Variants in RAD54L2 observed in about 807,000 individuals in gnomAD.
RAD54L2 encodes the protein RAD54 like 2.
Under a neutral mutation model 138.4 loss-of-function variants are expected in RAD54L2, and 27 were observed. The ratio of observed to expected loss-of-function variants is 0.20; its 90% CI spans 0.14 to 0.27. The LOEUF is 0.27. Ranked by LOEUF, RAD54L2 falls within the 10% of genes least tolerant of loss-of-function variation. The probability of loss-of-function intolerance (pLI) is 1.00; values close to 1 mark genes in which losing one functional copy is unlikely to be tolerated. For synonymous variants in RAD54L2, 644 were observed against 723.2 expected, an observed-to-expected ratio of 0.89 and a Z score of 1.76; for missense variants, 1,396 against 1,890.2, an observed-to-expected ratio of 0.74 and a Z score of 4.85.
chr3:51,618,020 G>A (rs1157440018), intron 3 of RAD54L2, among the ~76,000 whole-genome samples: 1 of 151,748 alleles, frequency 6.6e-6, no homozygotes, highest in Non-Finnish European at 1.5e-5. Flanking sequence ...GTGCAGTGGT[G>A]CTATCTCGCC....
Position 51,660,129 on chromosome 3 carries a change from T to C in RAD54L2, c.3409+11T>C. 6.3e-7 allele frequency: 1 copy of C among 1,585,290 alleles called. No individual in the cohort carries two copies. ...GGATGGCTGCCTCAGGTGTGATGGC[T>C]TTTACTTTCCATTTTACTTTTCAAA... is the stretch of plus-strand genomic sequence containing the variant. On this transcript the variant is annotated intron_variant, in intron 22 of 22. Transcript: ENST00000684192.
chr3:51,590,103 G>T (rs1699808138), intron 2 of RAD54L2, among the ~76,000 whole-genome samples: 1 of 152,122 alleles, frequency 6.6e-6, no homozygotes, highest in South Asian at 2.1e-4. Context: ...CAATTCTCAT[G>T]CCTCAGCCAC....
chr3:51,556,191 CCTT>C (rs1281206864), intron 2 of RAD54L2, among the ~76,000 whole-genome samples: 4 of 152,224 alleles, frequency 2.6e-5, no homozygotes, highest in East Asian at 3.9e-4. Flanking sequence ...GGTAGCCTAG[CCTT>C]CTTCTTTCTG....
At chr3:51,629,126 A>C (rs1052274645) in intron 4 of RAD54L2, among the ~76,000 whole-genome samples, 1 of 152,130 alleles carries the variant, frequency 6.6e-6, no homozygotes, top group Non-Finnish European at 1.5e-5. Flanking sequence ...GAGTTAAATA[A>C]TATAGAAAGT....
intron 3 of RAD54L2, among the ~76,000 whole-genome samples, chr3:51,599,702 T>C (rs1194983519): frequency 6.8e-6 from 1 of 146,378 alleles, no homozygotes; most frequent in Non-Finnish European, 1.5e-5. Context: ...GCTGAGATTG[T>C]AGGTGTACCC....
At chr3:51,550,722 A>G (rs1698813657) in intron 2 of RAD54L2, among the ~76,000 whole-genome samples, 1 of 152,112 alleles carries the variant, frequency 6.6e-6, no homozygotes, top group Non-Finnish European at 1.5e-5. Flanking sequence ...GCCCAGGGCA[A>G]CACAGTAAGA....
chr3:51,655,952 C>T lies in RAD54L2; in HGVS notation c.3027-19C>T. 6.3e-7 allele frequency: 1 copy of T among 1,586,074 alleles called. No individual in the cohort carries two copies. On this transcript the variant is annotated intron_variant, in intron 19 of 22. Transcript: ENST00000684192. Reference sequence around the variant, plus strand: ...TTGTTCTGCCAAACTCTTTTAGTGTCCTTGTCTTTCTCTTACAGGCAGCCA... The same window carrying T: ...TTGTTCTGCCAAACTCTTTTAGTGTTCTTGTCTTTCTCTTACAGGCAGCCA...
intron 2 of RAD54L2, among the ~76,000 whole-genome samples, chr3:51,588,051 TGGCA>T (rs1699746055): frequency 6.6e-6 from 1 of 151,280 alleles, no homozygotes; most frequent in South Asian, 2.1e-4. Context: ...CCGGGCGTGG[TGGCA>T]GGCGCCTGTA....
intron 3 of RAD54L2, among the ~76,000 whole-genome samples, chr3:51,607,968 G>T (rs1700237713): frequency 6.7e-6 from 1 of 150,304 alleles, no homozygotes; most frequent in Non-Finnish European, 1.5e-5. Flanking sequence ...GGCCGGGTGG[G>T]GGCTGCCCCC....
In RAD54L2 at chr3:51,619,736, A is replaced by AAGC. The variant is rs1577430470; in HGVS notation, c.140-7817_140-7816insAGC. Among the ~76,000 whole-genome samples the AAGC allele has an allele frequency of 3.6e-4, 55 of 152,284 alleles. No individual in the cohort carries two copies. In the East Asian group the frequency reaches 0.01, roughly 29 times the overall value. On this transcript the variant is annotated intron_variant, in intron 3 of 22. Transcript: ENST00000684192. The stretch of plus-strand genomic sequence containing the variant: ...CCCTGAAACTTAGTGGCTTTAAACA[A>AAGC]TATTATTTCTCTTGGCTTCTGAAGG...
rs5848928 is a variant in RAD54L2 at position 51,609,698 on chromosome 3, TTGTGTGTGTGTGTGTGTGTGTG to T, written c.140-17834_140-17813del. ...TCAACTACTGAATCCTTGTGGGCAT[TTGTGTGTGTGTGTGTGTGTGTG>T]TGTGTGTGTGTGTGTGTGTGGTTTG... is the stretch of plus-strand genomic sequence containing the variant. On this transcript the variant is annotated intron_variant, in intron 3 of 22. Transcript: ENST00000684192. Among the ~76,000 whole-genome samples, 3 of 141,080 alleles carry T rather than the reference TTGTGTGTGTGTGTGTGTGTGTG, an allele frequency of 2.1e-5. No individual in the cohort carries two copies. In the South Asian group the frequency reaches 7.2e-4, roughly 34 times the overall value. The allele number at this position is 141,080 out of a possible 152,430, so 92.6% of individuals were successfully genotyped here.
chr3:51,579,097 G>T (rs1488201584), intron 2 of RAD54L2, among the ~76,000 whole-genome samples: 1 of 151,532 alleles, frequency 6.6e-6, no homozygotes, highest in African/African-American at 2.4e-5. Flanking sequence ...CCGCTTTTCT[G>T]TGACATCCAA....
At chr3:51,590,669 G>T in intron 3 of RAD54L2, 110 bp downstream of exon 3, 26 of 1,418,756 alleles carry the variant, frequency 1.8e-5, no homozygotes, top group Non-Finnish European at 2.5e-5. Flanking sequence ...ATCCATAGTG[G>T]GAAGATACAG....
chr3:51,655,005 G>C (rs776033430), intron 19 of RAD54L2, among the ~76,000 whole-genome samples: 113 of 152,288 alleles, frequency 7.4e-4, no homozygotes, highest in South Asian at 1.5e-3. Context: ...TGGGGAAACA[G>C]GCCAGATAGC....
At position 51,591,978 on chromosome 3, in the gene RAD54L2, A is replaced by C. The variant is rs536742161; in HGVS notation, c.139+1419A>C. On this transcript the variant is annotated intron_variant, in intron 3 of 22. Transcript: ENST00000684192. ...ATGATATGCTTCTGCGGACTTTACT[A>C]TTATTTATTTAGAAATGACAAGAAT... is the stretch of plus-strand genomic sequence containing the variant. Among the ~76,000 whole-genome samples, 6 of 147,008 alleles carry C rather than the reference A, an allele frequency of 4.1e-5. No homozygotes were observed. In the East Asian group the frequency reaches 1.2e-3, roughly 29 times the overall value.
rs941293610 is a variant in RAD54L2 at position 51,551,521 on chromosome 3, C to T, written c.-55+9871C>T. ...CGCGATCTCGGCTCACTGCAACCTCCGCCTCCTGGGTTCAAGTGATTCTCG... is the reference window on the plus strand; with the variant it reads ...CGCGATCTCGGCTCACTGCAACCTCTGCCTCCTGGGTTCAAGTGATTCTCG... On this transcript the variant is annotated intron_variant, in intron 2 of 22. Coordinates refer to ENST00000684192, the MANE Select transcript of RAD54L2 (RefSeq NM_015106.4). Among the ~76,000 whole-genome samples the T allele has an allele frequency of 6.6e-5, 10 of 151,822 alleles. No individual in the cohort carries two copies. The East Asian group carries it at 1.2e-3, about 18-fold the overall frequency.
chr3:51,634,498 T>C (rs2106804808), intron 9 of RAD54L2, among the ~76,000 whole-genome samples: 1 of 151,316 alleles, frequency 6.6e-6, no homozygotes, highest in African/African-American at 2.4e-5. Flanking sequence ...GCCTCCCGAG[T>C]AGCTGGGATT....
chr3:51,613,261 G>A (rs548520706), intron 3 of RAD54L2, among the ~76,000 whole-genome samples: 99 of 152,094 alleles, frequency 6.5e-4, no homozygotes, highest in Non-Finnish European at 1.1e-3. Context: ...TCATAACTCT[G>A]TGTTATTCAG....
intron 2 of RAD54L2, among the ~76,000 whole-genome samples, chr3:51,566,466 G>GTTGTT (rs1699219853): frequency 3.2e-5 from 1 of 31,516 alleles, no homozygotes; most frequent in Non-Finnish European, 5.5e-5. Flanking sequence ...CCTTTTCTGC[G>GTTGTT]TTTTTTTTTT....
Sources: gnomAD v4.1 joint callset for allele counts (sites outside exome capture counted in the v4.1 genomes callset) on GRCh38, gnomAD v4.1.1 for gene constraint, MANE v1.5 for transcripts, NCBI Gene and HGNC (gene_info 2026-07-23, HGNC 2026-07-21) for gene names.